Variants in DACH2 observed in about 807,000 individuals in gnomAD.
DACH2 encodes the protein dachshund homolog 2.
A neutral mutation model predicts 35.8 loss-of-function variants in DACH2; 17 were observed. The observed-to-expected ratio is 0.48, with a 90% CI of 0.33 to 0.71. The LOEUF (loss-of-function observed/expected upper bound fraction) is 0.71. DACH2 is among the 30% of genes least tolerant of loss of function. The pLI is 0.02. For missense variants in DACH2, 469 were observed against 472.7 expected (o/e 0.99, Z 0.07); for synonymous variants, 195 against 177.3 (o/e 1.10, Z -0.79).
chrX:86,403,452 C>A (rs988648796), intron 2 of DACH2, among the ~76,000 whole-genome samples: 1 of 111,776 alleles, frequency 8.9e-6, no homozygotes, highest in East Asian at 2.8e-4. Flanking sequence ...CAGAGAAGTG[C>A]AAATCAAAAC....
chrX:86,453,846 C>G (rs754275171), intron 2 of DACH2, among the ~76,000 whole-genome samples: 1 of 110,754 alleles, frequency 9.0e-6, no homozygotes, highest in East Asian at 2.9e-4. Flanking sequence ...GAATTTGAAA[C>G]TTGTTTATGT....
chrX:86,184,892 C>CT (rs200600521), intron 1 of DACH2, among the ~76,000 whole-genome samples: 3,563 of 109,562 alleles, frequency 0.033, 143 homozygotes, highest in African/African-American at 0.11. Context: ...TAATTTGAAT[C>CT]TTTTTTTTTC....
chrX:86,783,885 G>A (rs1466834027), intron 7 of DACH2, among the ~76,000 whole-genome samples: 5 of 110,912 alleles, frequency 4.5e-5, no homozygotes, highest in Non-Finnish European at 9.5e-5. Context: ...TGGTTAGTGG[G>A]TACAAAGTAT....
At chrX:86,181,928 A>G (rs1311317835) in intron 1 of DACH2, among the ~76,000 whole-genome samples, 1 of 112,130 alleles carries the variant, frequency 8.9e-6, no homozygotes, top group Non-Finnish European at 1.9e-5. Flanking sequence ...CATTTCTCTA[A>G]TGACCAGTGA....
chrX:86,382,298 G>GT (rs1217130162), intron 2 of DACH2, among the ~76,000 whole-genome samples: 1 of 109,528 alleles, frequency 9.1e-6, no homozygotes, highest in African/African-American at 3.3e-5. Flanking sequence ...TTATCCTGAG[G>GT]TTTAACACAG....
intron 11 of DACH2, among the ~76,000 whole-genome samples, chrX:86,823,717 A>G (rs1353930508): frequency 8.9e-6 from 1 of 111,877 alleles, no homozygotes. Context: ...GTACAAAGAG[A>G]GTAATTTTAC....
chrX:86,808,158 C>T, intron 7 of DACH2, among the ~76,000 whole-genome samples: 1 of 111,844 alleles, frequency 8.9e-6, no homozygotes, highest in Non-Finnish European at 1.9e-5. Flanking sequence ...ATAATGTATC[C>T]GCTCCTTAAT....
chrX:86,509,823 G>A (rs2038372481), intron 2 of DACH2, among the ~76,000 whole-genome samples: 1 of 112,027 alleles, frequency 8.9e-6, no homozygotes, highest in Non-Finnish European at 1.9e-5. Flanking sequence ...GGCTTCTAAT[G>A]TACGCTAAAC....
At chrX:86,337,511 A>G (rs2035334499) in intron 1 of DACH2, among the ~76,000 whole-genome samples, 1 of 111,857 alleles carries the variant, frequency 8.9e-6, no homozygotes, top group South Asian at 3.7e-4. Flanking sequence ...AAAATTCTTC[A>G]CAGACAAGCA....
At chrX:86,513,146 G>T (rs1163779934) in intron 2 of DACH2, among the ~76,000 whole-genome samples, 1 of 111,784 alleles carries the variant, frequency 8.9e-6, no homozygotes, top group African/African-American at 3.3e-5. Flanking sequence ...TTTTGCTACT[G>T]CAAAGTTGAT....
chrX:86,591,555 T>TTTTTTTTTG (rs2039646078), intron 3 of DACH2, among the ~76,000 whole-genome samples: 1 of 108,216 alleles, frequency 9.2e-6, no homozygotes, highest in Non-Finnish European at 1.9e-5. Context: ...TTTTTTTTTT[T>TTTTTTTTTG]GAGAAGGAGT....
intron 1 of DACH2, among the ~76,000 whole-genome samples, chrX:86,219,175 G>T (rs1261386462): frequency 8.9e-6 from 1 of 111,813 alleles, no homozygotes; most frequent in Non-Finnish European, 1.9e-5. Context: ...CTTTAAGTGC[G>T]AACACTTCAT....
chrX:86,554,124 T>A (rs1255988861), intron 3 of DACH2, among the ~76,000 whole-genome samples: 3 of 111,613 alleles, frequency 2.7e-5, no homozygotes, highest in Non-Finnish European at 5.6e-5. Context: ...TTGTGTTACA[T>A]AAATGTATGA....
At chrX:86,483,909 G>A (rs780438283) in intron 2 of DACH2, among the ~76,000 whole-genome samples, 3 of 111,188 alleles carry the variant, frequency 2.7e-5, no homozygotes, top group South Asian at 3.8e-4. Flanking sequence ...TTCTGAATAA[G>A]CCACTCTAGA....
intron 1 of DACH2, among the ~76,000 whole-genome samples, chrX:86,318,780 A>G (rs992878075): frequency 9.0e-6 from 1 of 111,507 alleles, no homozygotes; most frequent in South Asian, 3.8e-4. Flanking sequence ...CAACCTTGAG[A>G]CTAAAGTTTG....
chrX:86,777,602 C>G (rs896955964), intron 7 of DACH2, among the ~76,000 whole-genome samples: 1 of 111,152 alleles, frequency 9.0e-6, no homozygotes, highest in Non-Finnish European at 1.9e-5. Context: ...TATATATTTT[C>G]TATATTTATT....
At position 86,816,082 on chromosome X, in the gene DACH2, A is replaced by G. The variant is rs775059017; in HGVS notation, c.1733A>G (p.Asp578Gly). 2.5e-6 allele frequency: 3 copies of G among 1,181,338 alleles called. No homozygotes were observed. The Admixed American group carries it at 7.0e-5, about 28-fold the overall frequency. ...ATAGAAAACAATGGGACTCCTCATG[A>G]TAGTGCTGCTATGCAAGGTACAGTC... ...IEIENNGTPH[D>G]SAAMQGGNYY... is the part of the protein sequence containing the mutation. Residue 578 changes from aspartate (D) to glycine (G), a missense_variant, in exon 11 of 12, where the codon GAT becomes GGT. Coordinates refer to ENST00000373125, the MANE Select transcript of DACH2 (RefSeq NM_053281.3).
chrX:86,807,414 C>G (rs990370880), intron 7 of DACH2, among the ~76,000 whole-genome samples: 5 of 111,440 alleles, frequency 4.5e-5, no homozygotes, highest in Admixed American at 9.6e-5. Context: ...GATAAAGAAA[C>G]TGAGGCATAG....
At position 86,743,916 on chromosome X, in the gene DACH2, C is replaced by G. The variant is rs1000075949; in HGVS notation, c.1240+4034C>G. On this transcript the variant is annotated intron_variant, in intron 7 of 11. Transcript: ENST00000373125. The stretch of plus-strand genomic sequence containing the variant: ...AACAATTTGTTCCTGAGACTTTTTT[C>G]CCACCATGTCATGATTATTTAAAGG... Among the ~76,000 whole-genome samples the G allele has an allele frequency of 6.3e-5, 7 of 110,854 alleles. No individual in the cohort carries two copies. The Admixed American group carries it at 6.8e-4, about 11-fold the overall frequency.
Sources: gnomAD v4.1 joint callset for allele counts (sites outside exome capture counted in the v4.1 genomes callset) on GRCh38, gnomAD v4.1.1 for gene constraint, MANE v1.5 for transcripts, NCBI Gene and HGNC (gene_info 2026-07-23, HGNC 2026-07-21) for gene names.